CCDC148: variants seen among roughly 807,000 people sequenced by gnomAD.
CCDC148 encodes coiled-coil domain containing 148, also known as coiled-coil domain-containing protein 148.
Under a neutral mutation model 85.7 loss-of-function variants are expected in CCDC148, and 89 were observed. That is an observed-to-expected ratio of 1.04 (90% CI 0.87 to 1.24). CCDC148 has a LOEUF of 1.24. CCDC148 is among the 50% of genes most tolerant of loss of function. The pLI is 0.00. For missense variants in CCDC148, 692 were observed against 671.7 expected, an observed-to-expected ratio of 1.03 and a Z score of -0.33; for synonymous variants, 230 against 213.9, an observed-to-expected ratio of 1.08 and a Z score of -0.66.
At chr2:158,421,590 T>C (rs975699342) in intron 1 of CCDC148, among the ~76,000 whole-genome samples, 1 of 152,068 alleles carries the variant, frequency 6.6e-6, no homozygotes, top group African/African-American at 2.4e-5. Flanking sequence ...TTTAAAGCAG[T>C]GTGTAGAGGG....
chr2:158,352,505 G>A (rs922555489), intron 2 of CCDC148, among the ~76,000 whole-genome samples: 2 of 152,102 alleles, frequency 1.3e-5, no homozygotes, highest in Non-Finnish European at 2.9e-5. Context: ...ATGAAATGAA[G>A]CGAGAAGGGA....
intron 9 of CCDC148, among the ~76,000 whole-genome samples, chr2:158,272,636 G>A (rs140224916): frequency 1.1e-3 from 168 of 152,282 alleles, no homozygotes; most frequent in Middle Eastern, 6.8e-3. Flanking sequence ...GTGCCGAGAT[G>A]GATGTATAGT....
At chr2:158,281,837 T>G (rs964267296) in intron 9 of CCDC148, among the ~76,000 whole-genome samples, 1 of 152,126 alleles carries the variant, frequency 6.6e-6, no homozygotes, top group Non-Finnish European at 1.5e-5. Flanking sequence ...AAGAGAACTT[T>G]AAACCAACAT....
intron 10 of CCDC148, among the ~76,000 whole-genome samples, chr2:158,248,564 T>C (rs1688664415): frequency 6.6e-6 from 1 of 152,118 alleles, no homozygotes; most frequent in Non-Finnish European, 1.5e-5. Context: ...ACAACAAATT[T>C]GATAGGGCAC....
chr2:158,369,076 T>C (rs147416835), intron 1 of CCDC148, among the ~76,000 whole-genome samples: 9 of 152,134 alleles, frequency 5.9e-5, no homozygotes, highest in African/African-American at 1.7e-4. Context: ...GTGAGTCTTC[T>C]ATAATGGGGA....
At chr2:158,209,011 A>T (rs1463558583) in intron 11 of CCDC148, among the ~76,000 whole-genome samples, 1 of 151,972 alleles carries the variant, frequency 6.6e-6, no homozygotes, top group Non-Finnish European at 1.5e-5. Context: ...TTCTTATTTA[A>T]TATCATCTGA....
At position 158,187,950 on chromosome 2, in the gene CCDC148, T is replaced by C. The variant is rs116214057; in HGVS notation, c.1371-8954A>G. On this transcript the variant is annotated intron_variant, in intron 11 of 13. Coordinates refer to ENST00000283233, the MANE Select transcript of CCDC148 (RefSeq NM_138803.4). ...TTACATTGCTGGTTAAATAAAGAAC[T>C]GCTGCTTTAAGGGCATCTGAGTTGG... Among the ~76,000 whole-genome samples, 398 of 152,142 alleles carry C rather than the reference T, an allele frequency of 2.6e-3. 1 individual carries two copies. Among genetic ancestry groups the C allele is most frequent in the African/African-American group, 9.0e-3 (373 of 41,554 alleles).
chr2:158,331,002 A>T (rs992329321), intron 7 of CCDC148, among the ~76,000 whole-genome samples: 1 of 151,812 alleles, frequency 6.6e-6, no homozygotes, highest in Non-Finnish European at 1.5e-5. Context: ...TTCTGTCTCT[A>T]TTTCCTTCAG....
At chr2:158,331,015 C>A (rs1442180854) in intron 7 of CCDC148, among the ~76,000 whole-genome samples, 2 of 152,070 alleles carry the variant, frequency 1.3e-5, no homozygotes, top group Non-Finnish European at 1.5e-5. Flanking sequence ...TCCTTCAGTT[C>A]TGCTCTGATT....
intron 11 of CCDC148, among the ~76,000 whole-genome samples, chr2:158,215,678 A>G (rs987189378): frequency 2.6e-5 from 4 of 152,206 alleles, no homozygotes; most frequent in Non-Finnish European, 4.4e-5. Context: ...ATATGCCAGC[A>G]GCAACCTATA....
At chr2:158,435,291 C>A (rs1327311647) in intron 1 of CCDC148, among the ~76,000 whole-genome samples, 2 of 152,186 alleles carry the variant, frequency 1.3e-5, no homozygotes, top group Non-Finnish European at 2.9e-5. Context: ...GGCAGAAACT[C>A]TCCAAGCCAG....
At chr2:158,316,216 G>T (rs914476215) in intron 7 of CCDC148, among the ~76,000 whole-genome samples, 1 of 152,208 alleles carries the variant, frequency 6.6e-6, no homozygotes, top group East Asian at 1.9e-4. Flanking sequence ...TCCTCAAAGA[G>T]AAAGTGAAAA....
At chr2:158,304,223 G>A (rs917984989) in intron 9 of CCDC148, among the ~76,000 whole-genome samples, 1 of 151,908 alleles carries the variant, frequency 6.6e-6, no homozygotes, top group African/African-American at 2.4e-5. Flanking sequence ...AAACCTTCAG[G>A]GCCCAGAGGT....
At chr2:158,346,535 A>G (rs116577382) in intron 2 of CCDC148, among the ~76,000 whole-genome samples, 70 of 152,218 alleles carry the variant, frequency 4.6e-4, no homozygotes, top group African/African-American at 1.6e-3. Flanking sequence ...ACCTGCATAA[A>G]CATTTTCCTA....
At chr2:158,393,740 G>A (rs1056068448) in intron 1 of CCDC148, among the ~76,000 whole-genome samples, 2 of 152,100 alleles carry the variant, frequency 1.3e-5, no homozygotes, top group South Asian at 2.1e-4. Context: ...AGAGGTGGAT[G>A]GATTTTTAAA....
chr2:158,364,215 C>G (rs553728787), intron 1 of CCDC148, among the ~76,000 whole-genome samples: 32 of 139,248 alleles, frequency 2.3e-4, no homozygotes, highest in African/African-American at 7.8e-4. Flanking sequence ...GAATGAATAT[C>G]GTGAAAATGG....
chr2:158,175,910 C>T (rs1684557800), intron 13 of CCDC148, among the ~76,000 whole-genome samples: 1 of 152,024 alleles, frequency 6.6e-6, no homozygotes, highest in East Asian at 1.9e-4. Flanking sequence ...TCCCTCCTAC[C>T]TTCCATCCCT....
chr2:158,427,436 GA>G (rs1401334866), intron 1 of CCDC148, among the ~76,000 whole-genome samples: 1 of 152,116 alleles, frequency 6.6e-6, no homozygotes, highest in East Asian at 1.9e-4. Context: ...TATTTAAAGG[GA>G]AAAAAGGGCT....
intron 10 of CCDC148, among the ~76,000 whole-genome samples, chr2:158,248,064 C>T (rs1201788307): frequency 1.3e-5 from 2 of 151,996 alleles, no homozygotes; most frequent in African/African-American, 4.8e-5. Context: ...TGCTCTCCCT[C>T]CCCTTGTCCC....
Sources: gnomAD v4.1 joint callset for allele counts (sites outside exome capture counted in the v4.1 genomes callset) on GRCh38, gnomAD v4.1.1 for gene constraint, MANE v1.5 for transcripts, NCBI Gene and HGNC (gene_info 2026-07-23, HGNC 2026-07-21) for gene names.